SYTL2: variants seen among roughly 807,000 people sequenced by gnomAD.
The protein encoded by SYTL2 is synaptotagmin-like protein 2.
In SYTL2, 165 loss-of-function variants were observed where a neutral mutation model predicts 198.7. The observed-to-expected ratio is 0.83, with a 90% CI of 0.73 to 0.94. The LOEUF is 0.94. SYTL2 is among the 40% of genes least tolerant of loss of function. The pLI, the probability that SYTL2 is intolerant of heterozygous loss-of-function variation, is 0.00. For synonymous variants in SYTL2, 966 were observed against 917.7 expected (o/e 1.05, Z -0.95); for missense variants, 2,835 against 2,582.8 (o/e 1.10, Z -2.12).
At position 85,718,789 on chromosome 11, in the gene SYTL2, C is replaced by T. The variant is rs756276927; in HGVS notation, c.5482+1G>A. The T allele has an allele frequency of 6.2e-7, 1 of 1,612,778 alleles. No individual in the cohort carries two copies. Among genetic ancestry groups the T allele is most frequent in the African/African-American group, 1.3e-5 (1 of 74,890 alleles). The stretch of plus-strand genomic sequence containing the variant: ...ACACGCAAATACATAAAGATATTTA[C>T]CATCTTCAGCACTACGCACTAATTC... On this transcript the variant is annotated splice_donor_variant, in intron 10 of 19. Coordinates refer to ENST00000359152, the MANE Select transcript of SYTL2 (RefSeq NM_206927.4). LOFTEE classifies it high-confidence loss of function.
At chr11:85,759,463 C>T (rs2092027616) in intron 1 of SYTL2, among the ~76,000 whole-genome samples, 1 of 152,022 alleles carries the variant, frequency 6.6e-6, no homozygotes, top group Non-Finnish European at 1.5e-5. Context: ...TTAGGATGTC[C>T]CTCACAGATT....
At chr11:85,839,233 T>C in the SYTL2 span, among the ~76,000 whole-genome samples, 8 of 152,356 alleles carry the variant, frequency 5.3e-5, no homozygotes, top group East Asian at 1.3e-3. Context: ...TAAGTTATTA[T>C]TGACTGTAGT....
intron 17 of SYTL2, among the ~76,000 whole-genome samples, chr11:85,700,019 C>G (rs1035269486): frequency 6.6e-6 from 1 of 152,016 alleles, no homozygotes; most frequent in African/African-American, 2.4e-5. Flanking sequence ...CAGGAATACA[C>G]AAATTCTGAA....
Position 85,726,458 on chromosome 11 carries a change from C to T in SYTL2, c.2900G>A (p.Arg967Lys), listed in dbSNP as rs1464959416. ...ANFKVMSLKERMDEPNAEQVY... is the reference protein window; with the variant it reads ...ANFKVMSLKEKMDEPNAEQVY... ...CTGTTCTGCATTGGGTTCATCCATT[C>T]TTTCTTTTAGGGACATAACTTTAAA... Residue 967 changes from arginine to lysine, a missense_variant, in exon 8 of 20, where the codon AGA (arginine) becomes AAA (lysine). Physicochemically the swap from Arg to Lys is conservative, Grantham distance 26 (BLOSUM62 2). Transcript: ENST00000359152. 14 of 1,612,806 alleles carry T rather than the reference C, an allele frequency of 8.7e-6. No individual in the cohort carries two copies. Among genetic ancestry groups the T allele is most frequent in the Middle Eastern group, 1.6e-4 (1 of 6,084 alleles).
intron 1 of SYTL2, among the ~76,000 whole-genome samples, chr11:85,785,278 T>TA (rs1254036760): frequency 6.6e-6 from 1 of 152,136 alleles, no homozygotes; most frequent in East Asian, 1.9e-4. Context: ...AGACATTAAC[T>TA]AAATACCAAA....
At chr11:85,714,781 A>G (rs1339387263) in intron 11 of SYTL2, 2 of 772,206 alleles carry the variant, frequency 2.6e-6, no homozygotes, top group African/African-American at 3.7e-5. Flanking sequence ...CTGCACTTGA[A>G]TCAAATTATA....
the SYTL2 span, among the ~76,000 whole-genome samples, chr11:85,850,290 G>C: frequency 6.6e-6 from 1 of 151,666 alleles, no homozygotes; most frequent in African/African-American, 2.4e-5. Flanking sequence ...TCCTTCTCCT[G>C]CCTAATTGCC....
At chr11:85,718,995 C>T in intron 9 of SYTL2, 152 bp from the exon 10 acceptor site, 1 of 1,531,518 alleles carries the variant, frequency 6.5e-7, no homozygotes, top group South Asian at 1.2e-5. Context: ...AATACTTTCT[C>T]TTTAGATTAG....
At chr11:85,791,866 T>C (rs1262459507) in intron 1 of SYTL2, among the ~76,000 whole-genome samples, 1 of 152,086 alleles carries the variant, frequency 6.6e-6, no homozygotes, top group Non-Finnish European at 1.5e-5. Context: ...ATCTTGTAAC[T>C]GAGAAAGGCC....
chr11:85,725,517 C>A lies in SYTL2; in HGVS notation c.3841G>T (p.Ala1281Ser). The change falls in exon 8 of 20, where the codon GCT becomes TCT. Residue 1281 changes from alanine (A) to serine (S), a missense_variant. Ala to Ser is a moderately conservative substitution (Grantham distance 99, BLOSUM62 1). This residue lies in a region of SYTL2 where 2,645 missense variants were observed against 2,381.7 expected (regional missense o/e 1.11). Coordinates refer to ENST00000359152, the MANE Select transcript of SYTL2 (RefSeq NM_206927.4). The part of the protein sequence containing the change: ...PVRDETFGNT[A>S]LLKKAESGEC... ...CCACTTTCAGCTTTCTTGAGGAGAG[C>A]TGTATTTCCAAAAGTTTCATCTCTC... The A allele has an allele frequency of 6.2e-7, 1 of 1,614,038 alleles. No homozygotes were observed. Among genetic ancestry groups the A allele is most frequent in the Non-Finnish European group, 8.5e-7 (1 of 1,179,956 alleles).
intron 1 of SYTL2, among the ~76,000 whole-genome samples, chr11:85,775,905 G>A (rs2092443447): frequency 6.6e-6 from 1 of 152,192 alleles, no homozygotes; most frequent in Non-Finnish European, 1.5e-5. Context: ...AAAAGCAATG[G>A]GTGCTATGGT....
intron 9 of SYTL2, chr11:85,719,399 AT>A (rs3216102): frequency 1.1e-3 from 1,061 of 944,338 alleles, no homozygotes; most frequent in South Asian, 1.9e-3. Context: ...GCTGATGGTG[AT>A]TTTTTTTTAA....
At chr11:85,813,841 G>C (rs1443555088), upstream of SYTL2, among the ~76,000 whole-genome samples, 1 of 152,038 alleles carries the variant, frequency 6.6e-6, no homozygotes, top group African/African-American at 2.4e-5. Context: ...TCCCACCTCA[G>C]CCTTCCAGGT....
chr11:85,724,261 C>T lies in SYTL2; in HGVS notation c.5097G>A (p.Gln1699=), dbSNP rs1381006293. The T allele has an allele frequency of 6.4e-7, 1 of 1,566,328 alleles. No individual in the cohort carries two copies. The highest frequency in any genetic ancestry group is 1.4e-5 in the African/African-American group (1 of 72,676). Residue 1699 remains glutamine (Q), a synonymous_variant, in exon 8 of 20, where the codon CAG becomes CAA. Transcript: ENST00000359152. ...SGVAGGQGTL[Q]EPGFGEASEA... ...CAGAAGCCTCTCCAAAGCCAGGTTC[C>T]TGAAGAGTCCCTTGTCCCCCTGCAA...
intron 1 of SYTL2, among the ~76,000 whole-genome samples, chr11:85,772,713 C>T (rs1286649519): frequency 6.6e-6 from 1 of 152,218 alleles, no homozygotes; most frequent in East Asian, 1.9e-4. Flanking sequence ...TATCTCAGGC[C>T]AGCCTGAGCT....
chr11:85,766,959 G>C (rs2092255029), intron 1 of SYTL2, among the ~76,000 whole-genome samples: 1 of 152,096 alleles, frequency 6.6e-6, no homozygotes, highest in South Asian at 2.1e-4. Context: ...ATTCAAATCT[G>C]GCTGATCAGC....
the SYTL2 span, among the ~76,000 whole-genome samples, chr11:85,846,762 C>G: frequency 1.4e-5 from 2 of 141,096 alleles, no homozygotes; most frequent in Non-Finnish European, 3.0e-5. Context: ...GAGATGGAGT[C>G]TCGCTGTCGC....
At position 85,791,377 on chromosome 11, in the gene SYTL2, T is replaced by C. The variant is rs966935168; in HGVS notation, c.-390+19577A>G. On this transcript the variant is annotated intron_variant, in intron 1 of 19. Transcript: ENST00000359152. The stretch of plus-strand genomic sequence containing the variant: ...CCACAATCTTTGCAATGATTAAGGA[T>C]TGGGAGTAGAGAGATACAGAAAAAC... Among the ~76,000 whole-genome samples the C allele has an allele frequency of 3.3e-5, 5 of 152,022 alleles. No homozygotes were observed. In the East Asian group the frequency reaches 5.8e-4, roughly 18 times the overall value.
At position 85,724,885 on chromosome 11, in the gene SYTL2, T is replaced by C. The variant is rs372768308; in HGVS notation, c.4473A>G (p.Lys1491=). The C allele has an allele frequency of 5.0e-6, 8 of 1,614,046 alleles. No homozygotes were observed. The highest frequency in any genetic ancestry group is 1.7e-5 in the Admixed American group (1 of 59,994). The change falls in exon 8 of 20, where the codon AAA becomes AAG. Residue 1491 remains lysine, a synonymous_variant. Transcript: ENST00000359152. The stretch of plus-strand genomic sequence containing the variant: ...CAGCACTGAATTCGAGGAACTCTGA[T>C]TTGGGTTGAACAATTGTTTCCCTCA... ...EIVRETIVQP[K]SEFLEFSAGL...
Sources: gnomAD v4.1 joint callset for allele counts (sites outside exome capture counted in the v4.1 genomes callset) on GRCh38, gnomAD v4.1.1 for gene constraint, gnomAD v4.1.1 regional missense constraint, MANE v1.5 for transcripts, NCBI Gene and HGNC (gene_info 2026-07-23, HGNC 2026-07-21) for gene names.